The following IL1RAPL1 variants were observed in gnomAD, a reference collection of about 807,000 sequenced individuals.
IL1RAPL1 encodes interleukin 1 receptor accessory protein like 1.
In IL1RAPL1, 3 loss-of-function variants were observed where a neutral mutation model predicts 48.4. The ratio of observed to expected loss-of-function variants is 0.06; its 90% CI spans 0.03 to 0.16. The LOEUF is 0.16. Ranked by LOEUF, IL1RAPL1 falls within the 10% of genes least tolerant of loss-of-function variation. The probability of loss-of-function intolerance (pLI) is 1.00; values close to 1 mark genes in which losing one functional copy is unlikely to be tolerated. For missense variants in IL1RAPL1, 349 were observed against 530.6 expected (o/e 0.66, Z 3.36); for synonymous variants, 185 against 187.7 (o/e 0.99, Z 0.12).
intron 6 of IL1RAPL1, among the ~76,000 whole-genome samples, chrX:29,746,725 A>G (rs1304292039): frequency 9.0e-6 from 1 of 111,547 alleles, no homozygotes; most frequent in Non-Finnish European, 1.9e-5. Context: ...CTCATGCCTC[A>G]GCCTCCCAAG....
chrX:29,905,216 GTT>G (rs200961219), intron 6 of IL1RAPL1, among the ~76,000 whole-genome samples: 1 of 106,910 alleles, frequency 9.4e-6, no homozygotes, highest in Admixed American at 1.0e-4. Flanking sequence ...TTTTGATGGG[GTT>G]TTTTTTTTCT....
chrX:29,744,965 A>G (rs1489554964), intron 6 of IL1RAPL1, among the ~76,000 whole-genome samples: 1 of 112,237 alleles, frequency 8.9e-6, no homozygotes, highest in Non-Finnish European at 1.9e-5. Context: ...AGGAAAAGAA[A>G]GCCAGAAATT....
At chrX:29,664,867 CTAACTGGTAGCTAG>C (rs1925955632) in intron 5 of IL1RAPL1, among the ~76,000 whole-genome samples, 2 of 112,222 alleles carry the variant, frequency 1.8e-5, no homozygotes, top group South Asian at 7.4e-4. Context: ...AGATGTTTCT[CTAACTGGTAGCTAG>C]TAAGAAAAAT....
At chrX:28,785,620 T>C (rs1190236764) in intron 1 of IL1RAPL1, among the ~76,000 whole-genome samples, 3 of 112,048 alleles carry the variant, frequency 2.7e-5, no homozygotes, top group African/African-American at 9.7e-5. Context: ...AATGTGAGCC[T>C]TCTTCTCTTC....
At chrX:28,833,906 T>C (rs1265133311) in intron 2 of IL1RAPL1, among the ~76,000 whole-genome samples, 1 of 111,839 alleles carries the variant, frequency 8.9e-6, no homozygotes, top group Admixed American at 9.5e-5. Flanking sequence ...GGTTCAAATA[T>C]CATTTTATAA....
At chrX:29,616,656 T>C (rs1470867736) in intron 5 of IL1RAPL1, among the ~76,000 whole-genome samples, 1 of 110,564 alleles carries the variant, frequency 9.0e-6, no homozygotes, top group Non-Finnish European at 1.9e-5. Flanking sequence ...CAGGAGGGAT[T>C]CTTTAGGGAA....
chrX:28,939,123 G>A lies in IL1RAPL1; in HGVS notation c.82+149698G>A, dbSNP rs181376281. Among the ~76,000 whole-genome samples the A allele has an allele frequency of 5.4e-5, 6 of 110,778 alleles. No homozygotes were observed. The East Asian group carries it at 1.7e-3, about 31-fold the overall frequency. ...GTTTAGCCATTGTGGAAAGCAGTGT[G>A]ACGATTCCTCAAAGACCTAAAAACA... On this transcript the variant is annotated intron_variant, in intron 2 of 10. Coordinates refer to ENST00000378993, the MANE Select transcript of IL1RAPL1 (RefSeq NM_014271.4).
intron 8 of IL1RAPL1, 64 bp from the exon 9 acceptor site, chrX:29,941,580 CAAACTGA>C: frequency 1.9e-6 from 2 of 1,075,450 alleles, no homozygotes; most frequent in Non-Finnish European, 2.6e-6. Flanking sequence ...AATGTGAAAT[CAAACTGA>C]GTTTAATTTA....
intron 2 of IL1RAPL1, among the ~76,000 whole-genome samples, chrX:29,178,599 AT>A (rs1408371185): frequency 9.0e-6 from 1 of 111,611 alleles, no homozygotes; most frequent in Non-Finnish European, 1.9e-5. Context: ...CTTTAGTTTA[AT>A]TAGATCCCAT....
At position 28,816,677 on chromosome X, in the gene IL1RAPL1, A is replaced by G. The variant is rs141529679; in HGVS notation, c.82+27252A>G. 1.3e-3 allele frequency among the ~76,000 whole-genome samples: 144 copies of G among 111,345 alleles called. 1 individual carries two copies. Among genetic ancestry groups the G allele is most frequent in the African/African-American group, 4.2e-3 (129 of 30,758 alleles). ...CCTAGGTTGTTTCCATGTCATTGCT[A>G]TAATGAATAGTGCTGCAATGAACAT... On this transcript the variant is annotated intron_variant, in intron 2 of 10. Coordinates refer to ENST00000378993, the MANE Select transcript of IL1RAPL1 (RefSeq NM_014271.4).
intron 6 of IL1RAPL1, among the ~76,000 whole-genome samples, chrX:29,713,806 T>C (rs752944253): frequency 2.7e-5 from 3 of 112,332 alleles, no homozygotes; most frequent in Non-Finnish European, 5.6e-5. Context: ...ATTGACTAAC[T>C]TATGTAATGC....
intron 5 of IL1RAPL1, among the ~76,000 whole-genome samples, chrX:29,615,693 TA>T (rs996522692): frequency 1.2e-4 from 13 of 104,428 alleles, no homozygotes; most frequent in Admixed American, 6.1e-4. Flanking sequence ...CTACTAAACT[TA>T]AAAAAAAAAG....
At chrX:28,590,750 A>G (rs1204391176) in intron 1 of IL1RAPL1, among the ~76,000 whole-genome samples, 1 of 111,725 alleles carries the variant, frequency 9.0e-6, no homozygotes, top group East Asian at 2.8e-4. Context: ...TTTCTGACGT[A>G]AGCCACACAT....
chrX:29,004,347 G>A (rs1270040200), intron 2 of IL1RAPL1, among the ~76,000 whole-genome samples: 4 of 112,108 alleles, frequency 3.6e-5, no homozygotes, highest in African/African-American at 1.3e-4. Flanking sequence ...AGTAGAAAGA[G>A]ACAAAAATGT....
intron 3 of IL1RAPL1, among the ~76,000 whole-genome samples, chrX:29,336,827 C>T (rs755980102): frequency 9.0e-6 from 1 of 111,528 alleles, no homozygotes; most frequent in East Asian, 2.8e-4. Context: ...GGGCAAGACA[C>T]CTGTCACATG....
intron 3 of IL1RAPL1, among the ~76,000 whole-genome samples, chrX:29,380,884 A>G (rs1454164500): frequency 1.8e-5 from 2 of 112,087 alleles, no homozygotes; most frequent in Non-Finnish European, 3.8e-5. Flanking sequence ...AGACTTACTA[A>G]TAAAATTTCA....
At chrX:29,554,611 A>G (rs747678414) in intron 5 of IL1RAPL1, among the ~76,000 whole-genome samples, 2 of 111,748 alleles carry the variant, frequency 1.8e-5, no homozygotes, top group Non-Finnish European at 1.9e-5. Context: ...CTTCTCTCAG[A>G]TGGCAAATGT....
chrX:29,223,409 A>G (rs777265844), intron 2 of IL1RAPL1, among the ~76,000 whole-genome samples: 14 of 111,910 alleles, frequency 1.3e-4, no homozygotes, highest in African/African-American at 4.5e-4. Context: ...ATATTTTCTT[A>G]TTATATTATG....
At chrX:29,508,690 C>G (rs761637294) in intron 5 of IL1RAPL1, among the ~76,000 whole-genome samples, 21 of 111,544 alleles carry the variant, frequency 1.9e-4, no homozygotes, top group African/African-American at 6.8e-4. Flanking sequence ...TCACTAATCC[C>G]TTAAGATCAA....
Sources: gnomAD v4.1 joint callset for allele counts (sites outside exome capture counted in the v4.1 genomes callset) on GRCh38, gnomAD v4.1.1 for gene constraint, MANE v1.5 for transcripts, NCBI Gene and HGNC (gene_info 2026-07-23, HGNC 2026-07-21) for gene names.